VWA8: variants seen among roughly 807,000 people sequenced by gnomAD.
VWA8 encodes the protein von Willebrand factor A domain containing 8.
In VWA8, 221 loss-of-function variants were observed where a neutral mutation model predicts 241.5. The observed-to-expected ratio is 0.91, with a 90% confidence interval of 0.82 to 1.02. The LOEUF (loss-of-function observed/expected upper bound fraction) is 1.02. Among genes scored for constraint, VWA8 ranks in the 50% least tolerant of loss-of-function variants. VWA8 has a pLI of 0.00. For missense variants in VWA8, 2,322 were observed against 2,328.7 expected (o/e 1.00, Z 0.06); for synonymous variants, 852 against 827.1 (o/e 1.03, Z -0.52).
In VWA8 at chr13:41,891,422, G is replaced by A. The variant is rs1483955383; in HGVS notation, c.649C>T (p.Arg217Ter). ...MSAERYDKLL[R>*]DHTKKELDSW... is the part of the protein sequence containing the mutation. ...GCAACAGGATTTTCTTTTCTTACTC[G>A]GAGAAGTTTGTCGTAACGCTCAGCA... Residue 217 changes from arginine (R) to a stop codon, truncating the protein, a stop_gained and splice_region_variant, in exon 5 of 45, where the codon CGA becomes TGA. Coordinates refer to ENST00000379310, the MANE Select transcript of VWA8 (RefSeq NM_015058.2). LOFTEE classifies it high-confidence loss of function. 1.3e-5 allele frequency: 21 copies of A among 1,613,938 alleles called. No individual in the cohort carries two copies. The highest frequency in any genetic ancestry group is 1.6e-4 in the Middle Eastern group (1 of 6,062).
chr13:41,638,234 G>A (rs894591384), intron 37 of VWA8, among the ~76,000 whole-genome samples: 1 of 152,126 alleles, frequency 6.6e-6, no homozygotes, highest in East Asian at 1.9e-4. Flanking sequence ...ATGTAAACTA[G>A]CATTCAAACA....
At chr13:41,803,350 A>T (rs1870043688) in intron 17 of VWA8, among the ~76,000 whole-genome samples, 1 of 152,208 alleles carries the variant, frequency 6.6e-6, no homozygotes, top group Non-Finnish European at 1.5e-5. Flanking sequence ...GACCAATCTC[A>T]GAGAGACAGA....
rs752758480 is a variant in VWA8 at position 41,671,130 on chromosome 13, G to A, written c.4427C>T (p.Pro1476Leu). 3.7e-6 allele frequency: 6 copies of A among 1,613,690 alleles called. No individual in the cohort carries two copies. The highest frequency in any genetic ancestry group is 3.3e-5 in the Admixed American group (2 of 59,990). ...AATGGTCGACAGCCATGTGGTATAC[G>A]GCGAGAGAGATTCTGATCTGGAAAA... Reference protein sequence around the residue: ...IPIPRSESLSPYTTWLSTISD... With the variant: ...IPIPRSESLSLYTTWLSTISD... Residue 1476 changes from proline to leucine, a missense_variant, in exon 37 of 45, where the codon CCG (proline) becomes CTG (leucine). Transcript: ENST00000379310.
Position 41,731,171 on chromosome 13 carries a change from G to A in VWA8, c.2502+909C>T, listed in dbSNP as rs540538743. ...ACAGGCCCAACCTGGGAGAACTCAAGCAGGAGATCCTAAAGACTCCACTCC... is the reference window on the plus strand; with the variant it reads ...ACAGGCCCAACCTGGGAGAACTCAAACAGGAGATCCTAAAGACTCCACTCC... On this transcript the variant is annotated intron_variant, in intron 22 of 44. Transcript: ENST00000379310. Among the ~76,000 whole-genome samples, 3 of 152,078 alleles carry A rather than the reference G, an allele frequency of 2.0e-5. No homozygotes were observed. In the East Asian group the frequency reaches 5.8e-4, roughly 29 times the overall value.
At chr13:41,705,597 G>A (rs1267265650) in intron 26 of VWA8, among the ~76,000 whole-genome samples, 5 of 152,138 alleles carry the variant, frequency 3.3e-5, no homozygotes, top group Admixed American at 1.3e-4. Context: ...TTTAGTTCTA[G>A]TTCTTTTATT....
At chr13:41,809,358 T>C (rs1870364506) in intron 17 of VWA8, among the ~76,000 whole-genome samples, 1 of 152,206 alleles carries the variant, frequency 6.6e-6, no homozygotes, top group Non-Finnish European at 1.5e-5. Flanking sequence ...CTTCAAATTA[T>C]ACTATAGAGC....
At chr13:41,834,027 T>C (rs9566860) in intron 12 of VWA8, among the ~76,000 whole-genome samples, 13,391 of 152,206 alleles carry the variant, frequency 0.088, 713 homozygotes, top group African/African-American at 0.15. Flanking sequence ...AAAGCTATGC[T>C]AGGACCATCA....
chr13:41,760,009 T>C (rs1593751709), intron 21 of VWA8, among the ~76,000 whole-genome samples: 1 of 151,936 alleles, frequency 6.6e-6, no homozygotes, highest in South Asian at 2.1e-4. Context: ...GGCTTAGTTT[T>C]AAAATTTGTA....
At chr13:41,752,316 T>A (rs17594965) in intron 21 of VWA8, among the ~76,000 whole-genome samples, 24,697 of 152,062 alleles carry the variant, frequency 0.16, 2,136 homozygotes, top group Non-Finnish European at 0.2. Flanking sequence ...TTCTACCATA[T>A]CACAGACATG....
chr13:41,937,307 C>T (rs914291055), intron 2 of VWA8, among the ~76,000 whole-genome samples: 6 of 152,120 alleles, frequency 3.9e-5, no homozygotes, highest in Admixed American at 3.9e-4. Flanking sequence ...AATAATTATA[C>T]AACTCACCAT....
chr13:41,908,355 A>G (rs1445887292), intron 3 of VWA8, among the ~76,000 whole-genome samples: 1 of 152,048 alleles, frequency 6.6e-6, no homozygotes, highest in Non-Finnish European at 1.5e-5. Context: ...AGTCCCTGCT[A>G]CTCGGGAGGC....
chr13:41,822,336 C>T (rs1311055050), intron 14 of VWA8, among the ~76,000 whole-genome samples: 1 of 152,116 alleles, frequency 6.6e-6, no homozygotes, highest in Non-Finnish European at 1.5e-5. Context: ...CAGATTTCAT[C>T]ATTAGTTTTC....
rs538162938 is a variant in VWA8, at chr13:41,750,985, G to A, written c.2426+10143C>T. On this transcript the variant is annotated intron_variant, in intron 21 of 44. Coordinates refer to ENST00000379310, the MANE Select transcript of VWA8 (RefSeq NM_015058.2). ...CTAGCTGTGTGACCTTGGCCAAATT[G>A]TTTAACCTCTCTGTGTCTCAGCAGC... 2.0e-5 allele frequency among the ~76,000 whole-genome samples: 3 copies of A among 152,068 alleles called. No homozygotes were observed. The East Asian group carries it at 5.8e-4, about 29-fold the overall frequency.
At chr13:41,846,848 C>T (rs1430881739) in intron 12 of VWA8, among the ~76,000 whole-genome samples, 2 of 151,958 alleles carry the variant, frequency 1.3e-5, no homozygotes, top group Admixed American at 6.6e-5. Flanking sequence ...ACCAGCCCGG[C>T]CAACATGGTG....
chr13:41,575,610 T>A, intron 43 of VWA8, 130 bp downstream of exon 43: 1 of 643,208 alleles, frequency 1.6e-6, no homozygotes, highest in Non-Finnish European at 2.6e-6. Flanking sequence ...TTTTCTCAGT[T>A]CAATACTTGA....
chr13:41,794,731 T>C (rs2137952503), intron 17 of VWA8, among the ~76,000 whole-genome samples: 1 of 152,286 alleles, frequency 6.6e-6, no homozygotes, highest in Non-Finnish European at 1.5e-5. Context: ...GGGGAATGCT[T>C]CCAGATTTTG....
intron 4 of VWA8, among the ~76,000 whole-genome samples, chr13:41,900,059 A>C (rs1875350428): frequency 1.3e-5 from 2 of 152,234 alleles, no homozygotes; most frequent in Admixed American, 6.5e-5. Context: ...CATTTATGGA[A>C]TAAACATGCA....
chr13:41,927,496 A>G (rs1410978183), intron 2 of VWA8: 1 of 202,154 alleles, frequency 4.9e-6, no homozygotes, highest in Non-Finnish European at 1.0e-5. Context: ...GGAATTAAGA[A>G]TTTCTTTTTA....
chr13:41,845,937 T>C (rs775039014), intron 12 of VWA8, among the ~76,000 whole-genome samples: 1 of 152,172 alleles, frequency 6.6e-6, no homozygotes, highest in Non-Finnish European at 1.5e-5. Flanking sequence ...TAACACAATA[T>C]ACTCATGTAA....
Sources: gnomAD v4.1 joint callset for allele counts (sites outside exome capture counted in the v4.1 genomes callset) on GRCh38, gnomAD v4.1.1 for gene constraint, MANE v1.5 for transcripts, NCBI Gene and HGNC (gene_info 2026-07-23, HGNC 2026-07-21) for gene names.